The following LYRM4 variants were observed in gnomAD, a reference collection of about 807,000 sequenced individuals.
LYRM4 encodes LYR motif containing 4.
LYRM4 carries 9 observed loss-of-function variants against 11.7 expected under a neutral mutation model. The ratio of observed to expected loss-of-function variants is 0.77; its 90% CI spans 0.46 to 1.34. LYRM4 has a LOEUF of 1.34. LYRM4 is among the 40% of genes most tolerant of loss of function. The pLI, the probability that LYRM4 is intolerant of heterozygous loss-of-function variation, is 0.00. For synonymous variants in LYRM4, 42 were observed against 40.4 expected (o/e 1.04, Z -0.15); for missense variants, 133 against 112.5 (o/e 1.18, Z -0.82).
intron 2 of LYRM4, among the ~76,000 whole-genome samples, chr6:5,152,769 C>T (rs891614904): frequency 3.9e-5 from 6 of 152,316 alleles, no homozygotes; most frequent in African/African-American, 1.2e-4. Context: ...TCCTCTTGGG[C>T]CTCCTCTGTT....
At chr6:5,108,126 A>G (rs1417265261), downstream of LYRM4, 1 of 152,242 alleles carries the variant, frequency 6.6e-6, no homozygotes, top group Non-Finnish European at 1.5e-5. Flanking sequence ...ACTGGAAGAC[A>G]TGAGTTCTCA....
chr6:5,233,718 C>T (rs1763374540), intron 1 of LYRM4, among the ~76,000 whole-genome samples: 1 of 152,246 alleles, frequency 6.6e-6, no homozygotes, highest in African/African-American at 2.4e-5. Flanking sequence ...GCAACTGATC[C>T]TCCCGCCTCA....
chr6:5,113,851 GC>G (rs1470738182), intron 2 of LYRM4, among the ~76,000 whole-genome samples: 3 of 152,030 alleles, frequency 2.0e-5, no homozygotes, highest in African/African-American at 4.8e-5. Flanking sequence ...ACAGGCATGT[GC>G]CGCCATGCCT....
the LYRM4 span, among the ~76,000 whole-genome samples, chr6:5,072,685 T>C: frequency 6.6e-6 from 1 of 151,836 alleles, no homozygotes; most frequent in Non-Finnish European, 1.5e-5. Context: ...AGAACGCAGA[T>C]GTGGTAGAAA....
chr6:5,108,466 G>C lies in LYRM4; in HGVS notation c.*957C>G. 8 of 977,510 alleles carry C rather than the reference G, an allele frequency of 8.2e-6. No homozygotes were observed. Among genetic ancestry groups the C allele is most frequent in the Non-Finnish European group, 9.7e-6 (8 of 822,500 alleles). 60.6% of individuals were successfully genotyped at this position (977,510 alleles called of 1,614,324 possible). A position where few individuals can be genotyped will look rare whatever the true frequency, so the allele number is the denominator to read the frequency against. ...TTATTACCTGTAATATACTTAAAGA[G>C]CAGGGGTCCCCAGTTGGTTAAACAT... is the stretch of plus-strand genomic sequence containing the variant. On this transcript the variant is annotated 3_prime_UTR_variant, in exon 3 of 3. Transcript: ENST00000330636.
chr6:5,216,517 C>T (rs1376527214), intron 2 of LYRM4, 101 bp downstream of exon 2: 13 of 1,350,318 alleles, frequency 9.6e-6, no homozygotes, highest in Non-Finnish European at 1.3e-5. Flanking sequence ...TGATCCTGCT[C>T]TGTAAATCAC....
chr6:5,241,784 T>C (rs1000723805), intron 1 of LYRM4, among the ~76,000 whole-genome samples: 1 of 152,112 alleles, frequency 6.6e-6, no homozygotes, highest in African/African-American at 2.4e-5. Flanking sequence ...ATGTTATATA[T>C]CAATATCAAA....
At chr6:5,252,269 C>T (rs1332001185) in intron 1 of LYRM4, among the ~76,000 whole-genome samples, 1 of 152,118 alleles carries the variant, frequency 6.6e-6, no homozygotes, top group Non-Finnish European at 1.5e-5. Context: ...GTTGTGGAAG[C>T]GGCAGCCCAC....
chr6:5,086,935 T>G, the LYRM4 span: 5 of 247,496 alleles, frequency 2.0e-5, no homozygotes, highest in South Asian at 3.4e-4. Context: ...GGATTGGTTT[T>G]TAACTCTAAA....
intron 2 of LYRM4, among the ~76,000 whole-genome samples, chr6:5,164,450 G>C (rs987378645): frequency 6.6e-6 from 1 of 152,148 alleles, no homozygotes; most frequent in Non-Finnish European, 1.5e-5. Context: ...TAATGAGCAA[G>C]ACTGATCAGA....
chr6:5,153,229 T>A (rs1215376568), intron 2 of LYRM4, among the ~76,000 whole-genome samples: 1 of 152,152 alleles, frequency 6.6e-6, no homozygotes, highest in Non-Finnish European at 1.5e-5. Flanking sequence ...GTAGCTGGGA[T>A]TACAGGTGTG....
intron 2 of LYRM4, among the ~76,000 whole-genome samples, chr6:5,184,574 T>C (rs1381170181): frequency 2.0e-5 from 3 of 152,248 alleles, no homozygotes; most frequent in Non-Finnish European, 2.9e-5. Flanking sequence ...ATTTAAGTCA[T>C]CTGGTACTTA....
intron 2 of LYRM4, among the ~76,000 whole-genome samples, chr6:5,118,143 C>G (rs1763232594): frequency 9.3e-6 from 1 of 107,822 alleles, no homozygotes; most frequent in African/African-American, 3.1e-5. Context: ...GAGTCTCACT[C>G]TGTCATCCAG....
At chr6:5,156,264 G>A (rs1414354146) in intron 2 of LYRM4, among the ~76,000 whole-genome samples, 1 of 152,186 alleles carries the variant, frequency 6.6e-6, no homozygotes, top group African/African-American at 2.4e-5. Context: ...GCCAAGAGGC[G>A]GCTCCTTCCA....
chr6:5,048,984 G>C, the LYRM4 span, among the ~76,000 whole-genome samples: 5 of 152,278 alleles, frequency 3.3e-5, no homozygotes, highest in African/African-American at 9.6e-5. Flanking sequence ...TAGACTTTTA[G>C]GGAGGAAGTT....
chr6:5,219,812 T>C (rs968149647), intron 1 of LYRM4, among the ~76,000 whole-genome samples: 4 of 152,180 alleles, frequency 2.6e-5, no homozygotes, highest in Admixed American at 6.5e-5. Context: ...TTTGCAGAAG[T>C]TGCTGTGAAA....
At chr6:5,197,900 G>A (rs1053725742) in intron 2 of LYRM4, among the ~76,000 whole-genome samples, 2 of 151,652 alleles carry the variant, frequency 1.3e-5, no homozygotes, top group African/African-American at 2.4e-5. Flanking sequence ...CGCCGGGTGC[G>A]GTGGCTCACG....
chr6:5,070,782 G>A, the LYRM4 span, among the ~76,000 whole-genome samples: 2 of 149,356 alleles, frequency 1.3e-5, no homozygotes, highest in African/African-American at 5.0e-5. Flanking sequence ...TGAGGTGGAG[G>A]AGTGCTTGAG....
At chr6:5,146,849 CAGA>C (rs1297440942) in intron 2 of LYRM4, among the ~76,000 whole-genome samples, 16 of 152,188 alleles carry the variant, frequency 1.1e-4, no homozygotes, top group African/African-American at 3.4e-4. Context: ...GGTCTGTGGG[CAGA>C]CACACTGTTA....
Sources: allele counts gnomAD v4.1 joint callset (sites outside exome capture counted in the v4.1 genomes callset), GRCh38; gene constraint gnomAD v4.1.1; transcripts MANE v1.5; gene names NCBI Gene and HGNC (gene_info 2026-07-23, HGNC 2026-07-21).